Variants in KIAA0825 observed in about 807,000 individuals in gnomAD.
KIAA0825 encodes KIAA0825.
Under a neutral mutation model 147.6 loss-of-function variants are expected in KIAA0825, and 119 were observed. The ratio of observed to expected loss-of-function variants is 0.81; its 90% CI spans 0.69 to 0.94. KIAA0825 has a LOEUF of 0.94. Among genes scored for constraint, KIAA0825 ranks in the 40% least tolerant of loss-of-function variants. KIAA0825 has a pLI of 0.00. For missense variants in KIAA0825, 1,381 were observed against 1,472.7 expected (o/e 0.94, Z 1.02); for synonymous variants, 470 against 518.1 (o/e 0.91, Z 1.26).
intron 15 of KIAA0825, among the ~76,000 whole-genome samples, chr5:94,410,477 G>C (rs1026644554): frequency 9.2e-5 from 14 of 151,980 alleles, no homozygotes; most frequent in Non-Finnish European, 1.9e-4. Flanking sequence ...AAACATCTCA[G>C]GTCCAAGCAG....
intron 20 of KIAA0825, among the ~76,000 whole-genome samples, chr5:94,356,278 A>T (rs1286783464): frequency 6.6e-6 from 1 of 152,172 alleles, no homozygotes; most frequent in Non-Finnish European, 1.5e-5. Flanking sequence ...CAGGAGTTAC[A>T]CATATATTTT....
chr5:94,458,752 T>TA (rs368585663), intron 12 of KIAA0825, among the ~76,000 whole-genome samples: 211 of 147,826 alleles, frequency 1.4e-3, no homozygotes, highest in East Asian at 3.5e-3. Context: ...ACCTTTTTTT[T>TA]AAAAAAAAAA....
At chr5:94,467,468 C>T (rs917101997) in intron 10 of KIAA0825, among the ~76,000 whole-genome samples, 2 of 152,160 alleles carry the variant, frequency 1.3e-5, no homozygotes, top group African/African-American at 4.8e-5. Flanking sequence ...TATTCTTTGA[C>T]TATTGGAAAA....
At chr5:94,592,711 T>C (rs1003979587) in intron 1 of KIAA0825, 1 of 297,918 alleles carries the variant, frequency 3.4e-6, no homozygotes, top group Non-Finnish European at 6.4e-6. Flanking sequence ...TCCCTGTTTG[T>C]TGCACCTGAC....
At chr5:94,536,745 T>C (rs1335512698) in intron 3 of KIAA0825, among the ~76,000 whole-genome samples, 2 of 152,204 alleles carry the variant, frequency 1.3e-5, no homozygotes, top group East Asian at 3.8e-4. Flanking sequence ...AAGAAAACAT[T>C]AGTGCCAATT....
intron 20 of KIAA0825, among the ~76,000 whole-genome samples, chr5:94,182,971 T>C (rs2149981683): frequency 6.6e-6 from 1 of 152,312 alleles, no homozygotes; most frequent in East Asian, 1.9e-4. Flanking sequence ...GCTCACCTCC[T>C]AGCCTGTTCT....
chr5:94,493,284 A>G (rs542146363), intron 5 of KIAA0825, among the ~76,000 whole-genome samples: 3 of 152,346 alleles, frequency 2.0e-5, no homozygotes, highest in Non-Finnish European at 2.9e-5. Context: ...TAACACATTT[A>G]CACAGATAAT....
At chr5:94,273,085 C>A (rs1297595905) in intron 20 of KIAA0825, among the ~76,000 whole-genome samples, 1 of 152,124 alleles carries the variant, frequency 6.6e-6, no homozygotes, top group Non-Finnish European at 1.5e-5. Context: ...CTGGTTCTAC[C>A]ATTTACTAGT....
At chr5:94,435,829 T>G (rs963247602) in intron 14 of KIAA0825, among the ~76,000 whole-genome samples, 16 of 152,220 alleles carry the variant, frequency 1.1e-4, no homozygotes, top group African/African-American at 3.9e-4. Context: ...TGGTGTGAGA[T>G]AGTATCTCAT....
chr5:94,487,201 TA>T (rs1258972548), intron 5 of KIAA0825, among the ~76,000 whole-genome samples: 16 of 152,324 alleles, frequency 1.1e-4, no homozygotes, highest in Admixed American at 4.6e-4. Context: ...AATCTTCTTT[TA>T]ATTCAGTGAA....
intron 20 of KIAA0825, among the ~76,000 whole-genome samples, chr5:94,309,889 C>A (rs2150199745): frequency 6.6e-6 from 1 of 151,718 alleles, no homozygotes; most frequent in East Asian, 2.0e-4. Flanking sequence ...CTTTAGGATT[C>A]TATTTAGCTG....
At chr5:94,525,141 TG>T (rs565544645) in intron 3 of KIAA0825, among the ~76,000 whole-genome samples, 8 of 151,972 alleles carry the variant, frequency 5.3e-5, no homozygotes, top group Admixed American at 2.0e-4. Context: ...GCTATGCATT[TG>T]TCTCTTAATC....
intron 20 of KIAA0825, among the ~76,000 whole-genome samples, chr5:94,175,537 A>C (rs1404869517): frequency 6.6e-6 from 1 of 152,196 alleles, no homozygotes; most frequent in East Asian, 1.9e-4. Flanking sequence ...TCTTGGAAGA[A>C]GGCCTTATGA....
intron 18 of KIAA0825, among the ~76,000 whole-genome samples, chr5:94,391,248 C>A (rs1328200786): frequency 6.6e-6 from 1 of 152,224 alleles, no homozygotes; most frequent in Non-Finnish European, 1.5e-5. Context: ...CACAAACACA[C>A]AATTCCCAAA....
chr5:94,326,130 T>C (rs1472022476), intron 20 of KIAA0825, among the ~76,000 whole-genome samples: 1 of 152,144 alleles, frequency 6.6e-6, no homozygotes, highest in African/African-American at 2.4e-5. Context: ...TAGAGACATG[T>C]TGAAAAACAC....
intron 2 of KIAA0825, among the ~76,000 whole-genome samples, chr5:94,561,081 C>T (rs867909184): frequency 1.3e-5 from 2 of 152,190 alleles, no homozygotes; most frequent in African/African-American, 4.8e-5. Flanking sequence ...CAGCTCCACT[C>T]CCTCTAACTC....
chr5:94,239,332 A>G (rs969729688), intron 20 of KIAA0825, among the ~76,000 whole-genome samples: 2 of 152,224 alleles, frequency 1.3e-5, no homozygotes, highest in African/African-American at 4.8e-5. Flanking sequence ...AAACGGTCTC[A>G]GAGTTCTGTG....
At position 94,173,515 on chromosome 5, in the gene KIAA0825, C is replaced by T. The variant is rs574870244; in HGVS notation, c.3711-19391G>A. 2.1e-4 allele frequency among the ~76,000 whole-genome samples: 32 copies of T among 152,252 alleles called. No individual in the cohort carries two copies. The South Asian group carries it at 5.8e-3, about 28-fold the overall frequency. On this transcript the variant is annotated intron_variant, in intron 20 of 20. Transcript: ENST00000682413. ...TGGCCTGGGCTTCCTCATAACATGG[C>T]AGCTCCCCGTTGTTTGGACTTCTGA... is the stretch of plus-strand genomic sequence containing the variant.
At chr5:94,391,456 G>C (rs2150560500) in intron 18 of KIAA0825, 79 bp downstream of exon 18, 1 of 1,411,266 alleles carries the variant, frequency 7.1e-7, no homozygotes, top group East Asian at 2.5e-5. Flanking sequence ...TCACCTCCTT[G>C]ACTAACCCTT....
Sources: allele counts gnomAD v4.1 joint callset (sites outside exome capture counted in the v4.1 genomes callset), GRCh38; gene constraint gnomAD v4.1.1; transcripts MANE v1.5; gene names NCBI Gene and HGNC (gene_info 2026-07-23, HGNC 2026-07-21).